The following PRKG1 variants were observed in gnomAD, a reference collection of about 807,000 sequenced individuals.
The protein encoded by PRKG1 is protein kinase cGMP-dependent 1.
Under a neutral mutation model 88.1 loss-of-function variants are expected in PRKG1, and 35 were observed. The observed-to-expected ratio is 0.40, with a 90% confidence interval of 0.30 to 0.53. PRKG1 has a LOEUF of 0.53. Among genes scored for constraint, PRKG1 ranks in the 20% least tolerant of loss-of-function variants. The pLI is 0.59. For synonymous variants in PRKG1, 303 were observed against 292.5 expected (o/e 1.04, Z -0.37); for missense variants, 540 against 839.8 (o/e 0.64, Z 4.41).
At chr10:51,741,281 A>C (rs1340590442) in intron 3 of PRKG1, among the ~76,000 whole-genome samples, 1 of 152,086 alleles carries the variant, frequency 6.6e-6, no homozygotes, top group Non-Finnish European at 1.5e-5. Flanking sequence ...ATTCATTACT[A>C]TTGGGAGCTC....
chr10:51,299,076 G>A (rs2094121583), intron 2 of PRKG1, among the ~76,000 whole-genome samples: 1 of 152,104 alleles, frequency 6.6e-6, no homozygotes, highest in South Asian at 2.1e-4. Context: ...TGAGCCCTTT[G>A]CTCCAATAAA....
intron 3 of PRKG1, among the ~76,000 whole-genome samples, chr10:51,655,128 T>G (rs1840131895): frequency 6.6e-6 from 1 of 152,194 alleles, no homozygotes; most frequent in Non-Finnish European, 1.5e-5. Flanking sequence ...ATGCCCAGTA[T>G]CTAAACTAAA....
intron 3 of PRKG1, among the ~76,000 whole-genome samples, chr10:51,675,013 A>G (rs921709085): frequency 6.6e-6 from 1 of 152,212 alleles, no homozygotes; most frequent in African/African-American, 2.4e-5. Flanking sequence ...AGCAAATGTT[A>G]CGTAGGTATC....
At chr10:51,738,342 G>C (rs1407365587) in intron 3 of PRKG1, among the ~76,000 whole-genome samples, 3 of 152,104 alleles carry the variant, frequency 2.0e-5, no homozygotes, top group Non-Finnish European at 4.4e-5. Context: ...AGAACAGAAG[G>C]AAAGATTGGA....
chr10:51,511,452 G>T (rs867533016), intron 3 of PRKG1, among the ~76,000 whole-genome samples: 137 of 152,146 alleles, frequency 9.0e-4, no homozygotes, highest in African/African-American at 3.2e-3. Flanking sequence ...TCCCACAAAG[G>T]ATCATATACA....
intron 5 of PRKG1, among the ~76,000 whole-genome samples, chr10:51,970,369 T>C (rs1486758246): frequency 2.6e-5 from 4 of 151,780 alleles, no homozygotes; most frequent in Non-Finnish European, 5.9e-5. Flanking sequence ...TTAACCTCTT[T>C]AATCTAGAAC....
At chr10:51,739,836 G>A (rs1417884980) in intron 3 of PRKG1, among the ~76,000 whole-genome samples, 1 of 152,118 alleles carries the variant, frequency 6.6e-6, no homozygotes, top group Non-Finnish European at 1.5e-5. Flanking sequence ...AGCCAAGCGT[G>A]GTGGCGCATG....
At chr10:52,086,785 A>G (rs1437626920) in intron 7 of PRKG1, among the ~76,000 whole-genome samples, 2 of 152,178 alleles carry the variant, frequency 1.3e-5, no homozygotes, top group African/African-American at 2.4e-5. Flanking sequence ...GCAAATAAAT[A>G]CATACCCTAA....
At chr10:51,636,204 G>A (rs1820260964) in intron 3 of PRKG1, among the ~76,000 whole-genome samples, 2 of 152,058 alleles carry the variant, frequency 1.3e-5, no homozygotes. Flanking sequence ...CACACTTCTT[G>A]ACTTATGAAT....
chr10:52,152,770 G>A (rs1837970140), intron 8 of PRKG1, among the ~76,000 whole-genome samples: 1 of 152,148 alleles, frequency 6.6e-6, no homozygotes, highest in Admixed American at 6.5e-5. Context: ...GTGAGAAAAT[G>A]GCAGTTGAGA....
intron 1 of PRKG1, among the ~76,000 whole-genome samples, chr10:51,055,408 T>G (rs1346865679): frequency 6.6e-6 from 1 of 152,208 alleles, no homozygotes; most frequent in Non-Finnish European, 1.5e-5. Flanking sequence ...TTCTTTAGAT[T>G]ATTTTATTCA....
intron 3 of PRKG1, among the ~76,000 whole-genome samples, chr10:51,790,879 A>G (rs16923240): frequency 0.038 from 5,747 of 152,242 alleles, 340 homozygotes; most frequent in African/African-American, 0.13. Flanking sequence ...AGATGATCCA[A>G]TTCAATTTAC....
chr10:51,839,526 T>C (rs1488254621), intron 4 of PRKG1, among the ~76,000 whole-genome samples: 3 of 152,206 alleles, frequency 2.0e-5, no homozygotes, highest in African/African-American at 7.2e-5. Context: ...TGATTTTGCA[T>C]ATGGGTAATA....
chr10:51,794,082 TC>T (rs1191413835), intron 3 of PRKG1, among the ~76,000 whole-genome samples: 4 of 151,994 alleles, frequency 2.6e-5, no homozygotes, highest in Non-Finnish European at 5.9e-5. Flanking sequence ...ACATTTTAAG[TC>T]AAAAACTTTA....
At chr10:51,978,819 G>A (rs997617471) in intron 5 of PRKG1, among the ~76,000 whole-genome samples, 1 of 152,054 alleles carries the variant, frequency 6.6e-6, no homozygotes, top group African/African-American at 2.4e-5. Context: ...TTTGTTTCCT[G>A]AGACTTTGCT....
intron 4 of PRKG1, among the ~76,000 whole-genome samples, chr10:51,828,874 C>A (rs1388471257): frequency 6.6e-6 from 1 of 152,122 alleles, no homozygotes; most frequent in Non-Finnish European, 1.5e-5. Flanking sequence ...ACATAATATC[C>A]ACATCAAATC....
intron 5 of PRKG1, among the ~76,000 whole-genome samples, chr10:52,044,028 A>T (rs184787336): frequency 6.0e-4 from 91 of 152,210 alleles, no homozygotes; most frequent in Non-Finnish European, 8.8e-4. Flanking sequence ...TGCTAGGTCA[A>T]CAGTTGTCTT....
intron 1 of PRKG1, among the ~76,000 whole-genome samples, chr10:51,041,095 G>T (rs773383606): frequency 6.6e-5 from 10 of 151,888 alleles, no homozygotes; most frequent in Admixed American, 1.3e-4. Context: ...TCTCCCTGTG[G>T]CCACCACCAC....
intron 3 of PRKG1, among the ~76,000 whole-genome samples, chr10:51,546,056 A>G (rs1393107704): frequency 6.9e-6 from 1 of 145,896 alleles, no homozygotes; most frequent in African/African-American, 2.5e-5. Context: ...ATCTACAGGT[A>G]TTTTTTTTTT....
Sources: allele counts gnomAD v4.1 joint callset (sites outside exome capture counted in the v4.1 genomes callset), GRCh38; gene constraint gnomAD v4.1.1; transcripts MANE v1.5; gene names NCBI Gene and HGNC (gene_info 2026-07-23, HGNC 2026-07-21).